FRG1: variants seen among roughly 807,000 people sequenced by gnomAD.
FRG1 encodes the protein protein FRG1.
A neutral mutation model predicts 37.0 loss-of-function variants in FRG1; 19 were observed. The observed-to-expected ratio is 0.51, with a 90% CI of 0.36 to 0.75. The LOEUF (loss-of-function observed/expected upper bound fraction) is 0.75. FRG1 is among the 30% of genes least tolerant of loss of function. The pLI, the probability that FRG1 is intolerant of heterozygous loss-of-function variation, is 0.00. For synonymous variants in FRG1, 73 were observed against 96.5 expected (o/e 0.76, Z 1.43); for missense variants, 243 against 301.4 (o/e 0.81, Z 1.44).
At chr4:189,956,186 A>AC (rs200367779) in intron 5 of FRG1, among the ~76,000 whole-genome samples, 5,857 of 151,892 alleles carry the variant, frequency 0.039, 155 homozygotes, top group Middle Eastern at 0.088. Flanking sequence ...ATTCTCTTTT[A>AC]CCCCTTCCTC....
chr4:189,942,613 C>G (rs1253256433), intron 1 of FRG1, among the ~76,000 whole-genome samples: 2 of 152,128 alleles, frequency 1.3e-5, no homozygotes, highest in Non-Finnish European at 1.5e-5. Flanking sequence ...AACTGATGAA[C>G]ATTTGGGTTG....
At chr4:189,958,454 T>C (rs1391111562) in intron 6 of FRG1, among the ~76,000 whole-genome samples, 2 of 152,270 alleles carry the variant, frequency 1.3e-5, no homozygotes, top group African/African-American at 2.4e-5. Flanking sequence ...TTTAAAAATA[T>C]TTTTATTAAT....
chr4:189,962,385 C>T (rs74630303), intron 8 of FRG1, among the ~76,000 whole-genome samples: 1 of 152,056 alleles, frequency 6.6e-6, no homozygotes, highest in African/African-American at 2.4e-5. Flanking sequence ...GTTTATCATA[C>T]CACATTATTA....
At chr4:189,957,634 A>T (rs1579641229) in intron 6 of FRG1, 132 bp downstream of exon 6, 1 of 776,144 alleles carries the variant, frequency 1.3e-6, no homozygotes, top group East Asian at 2.7e-5. Flanking sequence ...TGGTGTTTCA[A>T]ATAGACTCAT....
chr4:189,946,089 A>G (rs1367112527), intron 2 of FRG1, among the ~76,000 whole-genome samples: 1 of 152,116 alleles, frequency 6.6e-6, no homozygotes, highest in Non-Finnish European at 1.5e-5. Flanking sequence ...TCTCATCTGT[A>G]TTGCAGTCTC....
intron 4 of FRG1, among the ~76,000 whole-genome samples, chr4:189,953,851 GAAGAAAAAATTCAATAGTTTTAA>G (rs1736866724): frequency 1.3e-5 from 2 of 151,554 alleles, no homozygotes; most frequent in Non-Finnish European, 2.9e-5. Context: ...AAAAGCAGAG[GAAGAAAAAATTCAATAGTTTTAA>G]ACTGCTTTAC....
At chr4:189,950,181 T>A (rs1204846612) in intron 2 of FRG1, among the ~76,000 whole-genome samples, 1 of 152,206 alleles carries the variant, frequency 6.6e-6, no homozygotes, top group Non-Finnish European at 1.5e-5. Flanking sequence ...TTGTATATCA[T>A]CTTTGGAGCA....
intron 2 of FRG1, among the ~76,000 whole-genome samples, chr4:189,947,614 G>A (rs1736585857): frequency 6.6e-6 from 1 of 152,210 alleles, no homozygotes; most frequent in South Asian, 2.1e-4. Context: ...TCCCAAATTT[G>A]TGTGATCTCT....
intron 4 of FRG1, among the ~76,000 whole-genome samples, chr4:189,953,459 A>G (rs1169697805): frequency 6.6e-6 from 1 of 152,156 alleles, no homozygotes; most frequent in Non-Finnish European, 1.5e-5. Flanking sequence ...GCAAACAGGA[A>G]GACTAAAAAA....
intron 2 of FRG1, among the ~76,000 whole-genome samples, chr4:189,950,187 G>A (rs1736695814): frequency 6.6e-6 from 1 of 152,162 alleles, no homozygotes; most frequent in East Asian, 1.9e-4. Context: ...ATCATCTTTG[G>A]AGCAATGTCC....
rs1359331852 is a variant in FRG1 at position 189,957,334 on chromosome 4, A to G, written c.433-64A>G. The G allele has an allele frequency of 3.9e-6, 6 of 1,536,520 alleles. No individual in the cohort carries two copies. The East Asian group carries it at 9.7e-5, about 25-fold the overall frequency. On this transcript the variant is annotated intron_variant, in intron 5 of 8. Coordinates refer to ENST00000226798, the MANE Select transcript of FRG1 (RefSeq NM_004477.3). ...CAGGGAGGAAAAATTAATTCAGTCTAAACACTTAATGTTTCTCCCACAAGA... is the reference window on the plus strand; with the variant it reads ...CAGGGAGGAAAAATTAATTCAGTCTGAACACTTAATGTTTCTCCCACAAGA...
In FRG1 at chr4:189,941,026, A is replaced by G. The variant is rs1201895977; in HGVS notation, c.17A>G (p.Tyr6Cys). The G allele has an allele frequency of 6.8e-6, 11 of 1,613,986 alleles. No homozygotes were observed. Among genetic ancestry groups the G allele is most frequent in the Middle Eastern group, 1.6e-4 (1 of 6,062 alleles). The change falls in exon 1 of 9, where the codon TAC becomes TGC. Residue 6 changes from tyrosine to cysteine, a missense_variant. Physicochemically the swap from Tyr to Cys is radical, Grantham distance 194 (BLOSUM62 -2). Coordinates refer to ENST00000226798, the MANE Select transcript of FRG1 (RefSeq NM_004477.3). MAEYS[Y>C]VKSTKLVLKG... ...CCCGGAGCCATGGCCGAGTACTCCT[A>G]CGTGAAGTCTACCAAGCTCGTGCTC...
intron 4 of FRG1, among the ~76,000 whole-genome samples, chr4:189,954,052 A>T (rs2126813305): frequency 6.6e-6 from 1 of 152,302 alleles, no homozygotes; most frequent in South Asian, 2.1e-4. Flanking sequence ...TCTCAATAGA[A>T]AAATGGACAA....
intron 7 of FRG1, chr4:189,961,503 G>A: frequency 5.7e-6 from 1 of 176,126 alleles, no homozygotes; most frequent in Non-Finnish European, 1.2e-5. Flanking sequence ...CGCTTCCCAG[G>A]TTCATGTGAT....
At chr4:189,961,439 G>A (rs78402326) in intron 7 of FRG1, 47 of 153,986 alleles carry the variant, frequency 3.1e-4, no homozygotes, top group Middle Eastern at 3.2e-3. Context: ...ATGGAGTCTC[G>A]CTCTCTCCCC....
intron 2 of FRG1, among the ~76,000 whole-genome samples, chr4:189,951,623 T>C (rs12646565): frequency 0.29 from 44,025 of 151,894 alleles, 6,501 homozygotes; most frequent in Middle Eastern, 0.43. Context: ...AGAGAGACCA[T>C]TCTCTATATG....
chr4:189,958,465 AGTAC>A (rs1239887767), intron 6 of FRG1, among the ~76,000 whole-genome samples: 2 of 152,260 alleles, frequency 1.3e-5, no homozygotes, highest in Non-Finnish European at 1.5e-5. Context: ...TTTTATTAAT[AGTAC>A]CCGTCTTCTT....
chr4:189,947,853 T>A (rs1561066096), intron 2 of FRG1, among the ~76,000 whole-genome samples: 1 of 152,342 alleles, frequency 6.6e-6, no homozygotes, highest in Admixed American at 6.5e-5. Context: ...TGACATTGCC[T>A]CATTTCTGGA....
chr4:189,952,104 A>G, intron 2 of FRG1, 58 bp from the exon 3 acceptor site: 1 of 1,302,916 alleles, frequency 7.7e-7, no homozygotes, highest in Non-Finnish European at 1.1e-6. Context: ...AATAACAAAA[A>G]AAAGAACTCT....
Sources: allele counts gnomAD v4.1 joint callset (sites outside exome capture counted in the v4.1 genomes callset), GRCh38; gene constraint gnomAD v4.1.1; transcripts MANE v1.5; gene names NCBI Gene and HGNC (gene_info 2026-07-23, HGNC 2026-07-21).